Variants in HCN1 observed in about 807,000 individuals in gnomAD.
The protein encoded by HCN1 is potassium/sodium hyperpolarization-activated cyclic nucleotide-gated channel 1.
A neutral mutation model predicts 78.9 loss-of-function variants in HCN1; 13 were observed. The ratio of observed to expected loss-of-function variants is 0.16; its 90% CI spans 0.11 to 0.26. The LOEUF (loss-of-function observed/expected upper bound fraction) is 0.26, where lower values mean the gene tolerates loss of function less well. Ranked by LOEUF, HCN1 falls within the 10% of genes least tolerant of loss-of-function variation. The probability of loss-of-function intolerance (pLI) is 1.00; values close to 1 mark genes in which losing one functional copy is unlikely to be tolerated. For synonymous variants in HCN1, 552 were observed against 455.5 expected (o/e 1.21, Z -2.70); for missense variants, 810 against 1,154.3 (o/e 0.70, Z 4.32).
At chr5:45,443,987 C>T (rs532013277) in intron 3 of HCN1, among the ~76,000 whole-genome samples, 1 of 152,234 alleles carries the variant, frequency 6.6e-6, no homozygotes, top group South Asian at 2.1e-4. Flanking sequence ...AAAGCAGCTA[C>T]ACATAAGAAA....
intron 3 of HCN1, among the ~76,000 whole-genome samples, chr5:45,444,901 G>A (rs535387528): frequency 2.6e-5 from 4 of 151,998 alleles, no homozygotes; most frequent in Non-Finnish European, 5.9e-5. Flanking sequence ...ATTAGGGGAG[G>A]AGCCAAGATG....
intron 5 of HCN1, among the ~76,000 whole-genome samples, chr5:45,334,812 A>G (rs958660063): frequency 8.6e-5 from 13 of 152,030 alleles, no homozygotes; most frequent in Non-Finnish European, 1.8e-4. Context: ...TTACATGAAT[A>G]TCTTAAAATT....
intron 2 of HCN1, among the ~76,000 whole-genome samples, chr5:45,589,508 T>C (rs534248116): frequency 1.3e-5 from 2 of 152,194 alleles, no homozygotes; most frequent in African/African-American, 4.8e-5. Context: ...AAGGTCTTTG[T>C]TATGAAAGAG....
intron 4 of HCN1, among the ~76,000 whole-genome samples, chr5:45,358,240 G>A (rs1483017075): frequency 6.6e-6 from 1 of 152,008 alleles, no homozygotes; most frequent in Non-Finnish European, 1.5e-5. Context: ...CTGTCTATGA[G>A]GTGAGAACTG....
intron 2 of HCN1, among the ~76,000 whole-genome samples, chr5:45,541,471 C>A (rs749860345): frequency 6.6e-6 from 1 of 152,154 alleles, no homozygotes; most frequent in South Asian, 2.1e-4. Flanking sequence ...CTTCTATGAT[C>A]CTTTTGTACT....
chr5:45,287,664 A>G (rs1015227228), intron 6 of HCN1, among the ~76,000 whole-genome samples: 1 of 152,066 alleles, frequency 6.6e-6, no homozygotes, highest in African/African-American at 2.4e-5. Flanking sequence ...AGTTTTAAAA[A>G]GCTGTCATGA....
At chr5:45,691,834 G>A (rs959088246) in intron 1 of HCN1, among the ~76,000 whole-genome samples, 2 of 152,184 alleles carry the variant, frequency 1.3e-5, no homozygotes, top group Non-Finnish European at 1.5e-5. Flanking sequence ...TATCAGTACA[G>A]TTGTGGCTGC....
intron 2 of HCN1, among the ~76,000 whole-genome samples, chr5:45,545,083 T>C (rs1743183848): frequency 6.6e-6 from 1 of 152,278 alleles, no homozygotes; most frequent in Admixed American, 6.5e-5. Flanking sequence ...AAAGTGTTCC[T>C]ATTTCTCCAC....
At chr5:45,509,138 T>A (rs1742361247) in intron 2 of HCN1, among the ~76,000 whole-genome samples, 2 of 152,150 alleles carry the variant, frequency 1.3e-5, no homozygotes, top group Admixed American at 1.3e-4. Context: ...AAGGTTGGTG[T>A]TTAACATGTC....
intron 2 of HCN1, among the ~76,000 whole-genome samples, chr5:45,547,864 T>C (rs1743260658): frequency 6.6e-6 from 1 of 151,986 alleles, no homozygotes; most frequent in Non-Finnish European, 1.5e-5. Context: ...ATTAATCCTT[T>C]TACGCAGAGA....
chr5:45,579,284 G>C (rs1579979808), intron 2 of HCN1, among the ~76,000 whole-genome samples: 1 of 151,952 alleles, frequency 6.6e-6, no homozygotes, highest in South Asian at 2.1e-4. Context: ...GATCAGTATT[G>C]TTTCCTTTAT....
chr5:45,376,179 T>G (rs1257224407), intron 4 of HCN1, among the ~76,000 whole-genome samples: 1 of 8,122 alleles, frequency 1.2e-4, no homozygotes, highest in Non-Finnish European at 2.3e-4. Context: ...ATATAATATA[T>G]TACATATAAT....
chr5:45,474,347 CCTTGACATCCACATTTAATT>C (rs1396010144), intron 2 of HCN1, among the ~76,000 whole-genome samples: 142 of 151,954 alleles, frequency 9.3e-4, no homozygotes, highest in African/African-American at 3.2e-3. Flanking sequence ...TACTCAGTTC[CCTTGACATCCACATTTAATT>C]GGTGACTAAG....
intron 4 of HCN1, among the ~76,000 whole-genome samples, chr5:45,377,012 C>G (rs1449694393): frequency 6.6e-6 from 1 of 151,872 alleles, no homozygotes; most frequent in African/African-American, 2.4e-5. Flanking sequence ...ACTTGGAATG[C>G]TATCTTGGAC....
chr5:45,634,317 A>G (rs886901428), intron 2 of HCN1, among the ~76,000 whole-genome samples: 4 of 152,016 alleles, frequency 2.6e-5, no homozygotes, highest in African/African-American at 9.7e-5. Flanking sequence ...AGCTTAAAGT[A>G]TATTTCATAT....
chr5:45,270,943 T>C (rs1014782538), intron 6 of HCN1, among the ~76,000 whole-genome samples: 1 of 152,140 alleles, frequency 6.6e-6, no homozygotes, highest in African/African-American at 2.4e-5. Flanking sequence ...TGTCATCTGA[T>C]GATCTCATAT....
chr5:45,528,549 C>A (rs1191508971), intron 2 of HCN1, among the ~76,000 whole-genome samples: 2 of 151,788 alleles, frequency 1.3e-5, no homozygotes, highest in Admixed American at 1.3e-4. Flanking sequence ...CTCATTATAC[C>A]AGTTTTATCA....
At chr5:45,643,680 G>A (rs1283678029) in intron 2 of HCN1, 1 of 151,972 alleles carries the variant, frequency 6.6e-6, no homozygotes, top group Non-Finnish European at 1.5e-5. Context: ...GTATTTAATT[G>A]TTCTCATCTG....
chr5:45,309,871 T>C (rs1345680188), intron 5 of HCN1, among the ~76,000 whole-genome samples: 1 of 152,112 alleles, frequency 6.6e-6, no homozygotes, highest in Non-Finnish European at 1.5e-5. Flanking sequence ...AGGATGATGC[T>C]TCCCTCATAG....
Sources: gnomAD v4.1 joint callset for allele counts (sites outside exome capture counted in the v4.1 genomes callset) on GRCh38, gnomAD v4.1.1 for gene constraint, MANE v1.5 for transcripts, NCBI Gene and HGNC (gene_info 2026-07-23, HGNC 2026-07-21) for gene names.